CDH12: variants seen among roughly 807,000 people sequenced by gnomAD.
CDH12 encodes the protein cadherin 12, also known as cadherin-12.
CDH12 carries 41 observed loss-of-function variants against 74.1 expected under a neutral mutation model. That is an observed-to-expected ratio of 0.55 (90% confidence interval 0.43 to 0.72). CDH12 has a LOEUF of 0.72. CDH12 is among the 30% of genes least tolerant of loss of function. CDH12 has a pLI of 0.00. For missense variants in CDH12, 945 were observed against 977.2 expected (o/e 0.97, Z 0.44); for synonymous variants, 399 against 355.0 (o/e 1.12, Z -1.39).
In CDH12 at chr5:22,370,005, TA is replaced by T. The variant is rs202166727; in HGVS notation, c.-333+35251del. Reference sequence around the variant, plus strand: ...AGGCAATATACATGTTTTATGTACTTAAAAAAAATTCTCAAGTATATTGTTC... The same window carrying T: ...AGGCAATATACATGTTTTATGTACTTAAAAAAATTCTCAAGTATATTGTTC... On this transcript the variant is annotated intron_variant, in intron 3 of 14. Coordinates refer to ENST00000382254, the MANE Select transcript of CDH12 (RefSeq NM_004061.5). 9.6e-3 allele frequency among the ~76,000 whole-genome samples: 1,461 copies of T among 152,142 alleles called. 20 individuals are homozygous for T. The highest frequency in any genetic ancestry group is 0.03 in the African/African-American group (1,264 of 41,534).
intron 2 of CDH12, among the ~76,000 whole-genome samples, chr5:22,446,237 G>C (rs771342410): frequency 1.3e-5 from 2 of 152,042 alleles, no homozygotes; most frequent in Non-Finnish European, 2.9e-5. Context: ...CTCTAGGTTT[G>C]ATTCGACGGT....
At chr5:22,232,789 TTCTC>T (rs748537133) in intron 3 of CDH12, among the ~76,000 whole-genome samples, 7 of 150,276 alleles carry the variant, frequency 4.7e-5, no homozygotes, top group East Asian at 1.9e-4. Context: ...CTTTTATTCA[TTCTC>T]TCTAAGAAAT....
chr5:21,796,834 C>T (rs923267926), intron 10 of CDH12, among the ~76,000 whole-genome samples: 7 of 152,044 alleles, frequency 4.6e-5, no homozygotes, highest in African/African-American at 1.4e-4. Context: ...GGATAATCAA[C>T]AGTTTTAACT....
At chr5:22,056,363 A>T (rs2150199869) in intron 5 of CDH12, among the ~76,000 whole-genome samples, 1 of 152,302 alleles carries the variant, frequency 6.6e-6, no homozygotes, top group East Asian at 1.9e-4. Flanking sequence ...ATACAAAGTG[A>T]GCTTAATGAA....
At chr5:22,696,542 C>CT (rs1253777433) in intron 1 of CDH12, among the ~76,000 whole-genome samples, 1 of 152,026 alleles carries the variant, frequency 6.6e-6, no homozygotes, top group Non-Finnish European at 1.5e-5. Flanking sequence ...TTTTAATACA[C>CT]TTTTAAAAAG....
intron 2 of CDH12, among the ~76,000 whole-genome samples, chr5:22,413,910 C>T (rs1743270634): frequency 1.3e-5 from 2 of 151,918 alleles, no homozygotes; most frequent in Admixed American, 6.6e-5. Flanking sequence ...TGCCCTTTCT[C>T]TCTCTCTTTA....
chr5:21,855,613 AAT>A (rs1476525630), intron 6 of CDH12, among the ~76,000 whole-genome samples: 1 of 151,608 alleles, frequency 6.6e-6, no homozygotes, highest in Non-Finnish European at 1.5e-5. Flanking sequence ...TAGCAAATAA[AAT>A]AGACATATAT....
intron 4 of CDH12, among the ~76,000 whole-genome samples, chr5:22,196,991 T>G (rs1195670996): frequency 6.6e-6 from 1 of 152,178 alleles, no homozygotes; most frequent in Non-Finnish European, 1.5e-5. Context: ...AAACAATCTG[T>G]ACAGCAAACT....
At chr5:21,780,662 A>G (rs1290443588) in intron 11 of CDH12, among the ~76,000 whole-genome samples, 1 of 152,190 alleles carries the variant, frequency 6.6e-6, no homozygotes, top group Non-Finnish European at 1.5e-5. Flanking sequence ...GAAGTTATTG[A>G]AGAGACTACC....
At chr5:21,861,918 G>GTA in intron 6 of CDH12, among the ~76,000 whole-genome samples, 2 of 151,820 alleles carry the variant, frequency 1.3e-5, no homozygotes, top group South Asian at 4.2e-4. Context: ...GTGTGTGTGT[G>GTA]TGTGTGTGTA....
intron 1 of CDH12, among the ~76,000 whole-genome samples, chr5:22,819,720 C>A (rs2126470845): frequency 6.6e-6 from 1 of 151,434 alleles, no homozygotes; most frequent in East Asian, 1.9e-4. Context: ...AAACGCAATA[C>A]AAAATACATG....
chr5:22,400,880 G>A (rs1483301916), intron 3 of CDH12, among the ~76,000 whole-genome samples: 1 of 152,056 alleles, frequency 6.6e-6, no homozygotes, highest in Admixed American at 6.6e-5. Context: ...AGATGGCCAT[G>A]TTGGATTCCC....
chr5:22,604,402 G>A (rs1270465577), intron 1 of CDH12, among the ~76,000 whole-genome samples: 1 of 152,142 alleles, frequency 6.6e-6, no homozygotes, highest in African/African-American at 2.4e-5. Context: ...ACTGTCCCAA[G>A]CCACACATGC....
At chr5:21,784,617 C>T (rs2149899421) in intron 10 of CDH12, among the ~76,000 whole-genome samples, 1 of 152,196 alleles carries the variant, frequency 6.6e-6, no homozygotes, top group South Asian at 2.1e-4. Context: ...TATTTGTCAT[C>T]ATTTTATTCT....
Position 22,357,450 on chromosome 5 carries a change from TA to T in CDH12, c.-333+47806del, listed in dbSNP as rs549189838. On this transcript the variant is annotated intron_variant, in intron 3 of 14. Transcript: ENST00000382254. ...CAAATGGAAGATAAAAATTAATCCATAAAAAAAACCATCATGATTTGTAAAA... is the reference window on the plus strand; with the variant it reads ...CAAATGGAAGATAAAAATTAATCCATAAAAAAACCATCATGATTTGTAAAA... 3.0e-3 allele frequency among the ~76,000 whole-genome samples: 455 copies of T among 151,618 alleles called. 4 individuals are homozygous for T. Among genetic ancestry groups the T allele is most frequent in the African/African-American group, 0.01 (424 of 41,400 alleles).
At position 22,444,278 on chromosome 5, in the gene CDH12, T is replaced by C. The variant is rs539669969; in HGVS notation, c.-427-38927A>G. Among the ~76,000 whole-genome samples the C allele has an allele frequency of 5.3e-5, 8 of 152,180 alleles. No individual in the cohort carries two copies. In the East Asian group the frequency reaches 9.7e-4, roughly 18 times the overall value. On this transcript the variant is annotated intron_variant, in intron 2 of 14. Transcript: ENST00000382254. Reference sequence around the variant, plus strand: ...CACACTTTTAGATATGTTATTGCTATATATTTTAAATCTCCTTTGTTACTT... The same window carrying C: ...CACACTTTTAGATATGTTATTGCTACATATTTTAAATCTCCTTTGTTACTT...
At chr5:21,979,053 TA>T (rs201491772) in intron 5 of CDH12, among the ~76,000 whole-genome samples, 4 of 152,104 alleles carry the variant, frequency 2.6e-5, no homozygotes, top group African/African-American at 7.2e-5. Flanking sequence ...ATGTTCACTG[TA>T]AAAAAAATCA....
Position 21,887,164 on chromosome 5 carries a change from A to G in CDH12, c.527-32374T>C, listed in dbSNP as rs535604704. On this transcript the variant is annotated intron_variant, in intron 6 of 14. Coordinates refer to ENST00000382254, the MANE Select transcript of CDH12 (RefSeq NM_004061.5). ...AAGAAGACTTTGCATTTATACTTCC[A>G]TTTTATCTTTCTCTCTCCACTTTAG... 2.0e-5 allele frequency among the ~76,000 whole-genome samples: 3 copies of G among 152,216 alleles called. No individual in the cohort carries two copies. In the East Asian group the frequency reaches 5.8e-4, roughly 29 times the overall value.
chr5:22,363,486 A>C (rs547830935), intron 3 of CDH12, among the ~76,000 whole-genome samples: 25 of 152,178 alleles, frequency 1.6e-4, no homozygotes, highest in Non-Finnish European at 3.4e-4. Context: ...ATTAAACGGC[A>C]TGAAGAAGAT....
Sources: gnomAD v4.1 joint callset for allele counts (sites outside exome capture counted in the v4.1 genomes callset) on GRCh38, gnomAD v4.1.1 for gene constraint, MANE v1.5 for transcripts, NCBI Gene and HGNC (gene_info 2026-07-23, HGNC 2026-07-21) for gene names.